Variants in TRHDE observed in about 807,000 individuals in gnomAD.
TRHDE encodes thyrotropin releasing hormone degrading enzyme, also known as thyrotropin-releasing hormone-degrading ectoenzyme.
Under a neutral mutation model 125.7 loss-of-function variants are expected in TRHDE, and 72 were observed. The observed-to-expected ratio is 0.57, with a 90% CI of 0.47 to 0.70. The LOEUF is 0.70. Ranked by LOEUF, TRHDE falls within the 30% of genes least tolerant of loss-of-function variation. The pLI is 0.00. For missense variants in TRHDE, 1,110 were observed against 1,327.1 expected, an observed-to-expected ratio of 0.84 and a Z score of 2.54; for synonymous variants, 509 against 509.1, an observed-to-expected ratio of 1.00 and a Z score of 0.00.
At chr12:72,642,182 G>C (rs1430131188) in intron 15 of TRHDE, among the ~76,000 whole-genome samples, 1 of 152,056 alleles carries the variant, frequency 6.6e-6, no homozygotes, top group Non-Finnish European at 1.5e-5. Context: ...CCAGTATATG[G>C]TACTTTGTCA....
intron 3 of TRHDE, among the ~76,000 whole-genome samples, chr12:72,389,606 C>T (rs1035566745): frequency 1.3e-5 from 2 of 152,176 alleles, no homozygotes; most frequent in Non-Finnish European, 2.9e-5. Context: ...TCTCGCATGA[C>T]AAAGAATGAG....
At chr12:72,630,043 T>C (rs888200547) in intron 15 of TRHDE, among the ~76,000 whole-genome samples, 5 of 149,828 alleles carry the variant, frequency 3.3e-5, no homozygotes, top group Admixed American at 1.3e-4. Context: ...TATATATATA[T>C]ACATATATAT....
intron 9 of TRHDE, among the ~76,000 whole-genome samples, chr12:72,564,315 C>A (rs563788806): frequency 1.2e-4 from 19 of 152,118 alleles, no homozygotes; most frequent in African/African-American, 4.6e-4. Flanking sequence ...GATGTCTGGC[C>A]CCAGGCAAAA....
At chr12:72,165,850 T>C (rs983582013) in intron 2 of TRHDE, among the ~76,000 whole-genome samples, 1 of 152,130 alleles carries the variant, frequency 6.6e-6, no homozygotes, top group Non-Finnish European at 1.5e-5. Context: ...AATTTTTTTG[T>C]ATTTTTAGTA....
chr12:72,475,106 A>G (rs1005557368), intron 5 of TRHDE, among the ~76,000 whole-genome samples: 5 of 152,172 alleles, frequency 3.3e-5, no homozygotes, highest in Non-Finnish European at 7.4e-5. Flanking sequence ...CCTTTAAATG[A>G]CACTGAAGAA....
At chr12:72,538,032 C>T (rs975489027) in intron 6 of TRHDE, among the ~76,000 whole-genome samples, 3 of 151,938 alleles carry the variant, frequency 2.0e-5, no homozygotes, top group Non-Finnish European at 2.9e-5. Context: ...ATTAGCTTTC[C>T]TGGAATCTTG....
intron 3 of TRHDE, among the ~76,000 whole-genome samples, chr12:72,445,056 C>T (rs1207937401): frequency 6.6e-6 from 1 of 151,794 alleles, no homozygotes; most frequent in Non-Finnish European, 1.5e-5. Context: ...CTCCAGATAG[C>T]TTCTAAGACG....
Position 72,328,867 on chromosome 12 carries a change from A to G in TRHDE, c.1188+41913A>G, listed in dbSNP as rs565627003. Among the ~76,000 whole-genome samples, 5 of 152,306 alleles carry G rather than the reference A, an allele frequency of 3.3e-5. No individual in the cohort carries two copies. The South Asian group carries it at 1.0e-3, about 32-fold the overall frequency. On this transcript the variant is annotated intron_variant, in intron 2 of 18. Transcript: ENST00000261180. ...TATTTCATTGTTTATTTTAGCTTATACCATAATAACTAGTTTAATAGCTCA... is the reference window on the plus strand; with the variant it reads ...TATTTCATTGTTTATTTTAGCTTATGCCATAATAACTAGTTTAATAGCTCA...
At position 72,666,804 on chromosome 12, in the gene TRHDE, TATG is replaced by T. The variant is rs1875128868; in HGVS notation, c.*3612_*3614del. On this transcript the variant is annotated 3_prime_UTR_variant, in exon 19 of 19. Coordinates refer to ENST00000261180, the MANE Select transcript of TRHDE (RefSeq NM_013381.3). ...GATGTTAAACAACTGGATGAAATGT[TATG>T]ATTTAATTTGGTCAGTATAAATAAT... 1 of 152,138 alleles carries T rather than the reference TATG, an allele frequency of 6.6e-6. No homozygotes were observed. Among genetic ancestry groups the T allele is most frequent in the South Asian group, 2.1e-4 (1 of 4,834 alleles). The allele number at this position is 152,138 out of a possible 1,614,324, so 9.4% of individuals were successfully genotyped here.
intron 2 of TRHDE, among the ~76,000 whole-genome samples, chr12:72,114,422 T>C (rs1230701997): frequency 6.6e-6 from 1 of 152,146 alleles, no homozygotes; most frequent in Non-Finnish European, 1.5e-5. Context: ...ATGTTATAAA[T>C]ATTATATACC....
chr12:72,494,891 G>A (rs912419329), intron 5 of TRHDE, among the ~76,000 whole-genome samples: 3 of 151,686 alleles, frequency 2.0e-5, no homozygotes, highest in Admixed American at 6.6e-5. Context: ...TTTAGCACTC[G>A]CCTCTTATCT....
intron 15 of TRHDE, among the ~76,000 whole-genome samples, chr12:72,630,434 C>T (rs1592583035): frequency 6.6e-6 from 1 of 151,674 alleles, no homozygotes; most frequent in African/African-American, 2.4e-5. Flanking sequence ...TTAGAGTCTT[C>T]AGGATAAACC....
intron 2 of TRHDE, among the ~76,000 whole-genome samples, chr12:72,225,631 G>A (rs571600405): frequency 6.6e-6 from 1 of 152,148 alleles, no homozygotes; most frequent in African/African-American, 2.4e-5. Flanking sequence ...AATGTAATAC[G>A]TGAAAGGTCA....
At chr12:72,431,648 T>C (rs947592570) in intron 3 of TRHDE, 1 of 152,130 alleles carries the variant, frequency 6.6e-6, no homozygotes, top group Non-Finnish European at 1.5e-5. Flanking sequence ...AGAGGTTTTT[T>C]TTTTTTTGAG....
chr12:72,615,703 C>G (rs928468087), intron 12 of TRHDE, among the ~76,000 whole-genome samples: 2 of 152,066 alleles, frequency 1.3e-5, no homozygotes, highest in African/African-American at 2.4e-5. Context: ...TTACTCTATT[C>G]GAGGTCTGCA....
At chr12:72,514,892 G>GA (rs1483723402) in intron 6 of TRHDE, among the ~76,000 whole-genome samples, 6 of 145,262 alleles carry the variant, frequency 4.1e-5, no homozygotes, top group African/African-American at 7.7e-5. Flanking sequence ...GTGGTGTTTG[G>GA]TTTTTTGTTC....
intron 2 of TRHDE, among the ~76,000 whole-genome samples, chr12:72,205,171 C>CTT (rs1877638668): frequency 6.6e-6 from 1 of 152,166 alleles, no homozygotes; most frequent in Admixed American, 6.5e-5. Context: ...TGAACTTCCA[C>CTT]TTTGGGTCTT....
At chr12:72,506,853 A>G (rs1484733374) in intron 6 of TRHDE, among the ~76,000 whole-genome samples, 1 of 152,096 alleles carries the variant, frequency 6.6e-6, no homozygotes, top group Non-Finnish European at 1.5e-5. Context: ...ATAAGGTTTG[A>G]ATTTGTGTCC....
At chr12:72,145,316 G>A (rs1207102713) in intron 2 of TRHDE, among the ~76,000 whole-genome samples, 3 of 152,092 alleles carry the variant, frequency 2.0e-5, no homozygotes, top group African/African-American at 4.8e-5. Flanking sequence ...TGGGAAGAAG[G>A]TCCACAGAGA....
Sources: allele counts gnomAD v4.1 joint callset (sites outside exome capture counted in the v4.1 genomes callset), GRCh38; gene constraint gnomAD v4.1.1; transcripts MANE v1.5; gene names NCBI Gene and HGNC (gene_info 2026-07-23, HGNC 2026-07-21).